CYP2C19: variants seen among roughly 807,000 people sequenced by gnomAD.
CYP2C19 encodes cytochrome P450 2C19.
CYP2C19 carries 59 observed loss-of-function variants against 40.9 expected under a neutral mutation model. That is an observed-to-expected ratio of 1.44 (90% CI 1.17 to 1.79). CYP2C19 has a LOEUF of 1.79. Among genes scored for constraint, CYP2C19 ranks in the 40% most tolerant of loss-of-function variants. The probability of loss-of-function intolerance (pLI) is 0.00; values close to 1 mark genes in which losing one functional copy is unlikely to be tolerated. For missense variants in CYP2C19, 754 were observed against 596.9 expected (o/e 1.26, Z -2.74); for synonymous variants, 253 against 208.7 (o/e 1.21, Z -1.83).
intron 5 of CYP2C19, among the ~76,000 whole-genome samples, chr10:94,803,751 T>C (rs1848797027): frequency 6.6e-6 from 1 of 152,018 alleles, no homozygotes; most frequent in African/African-American, 2.4e-5. Flanking sequence ...CTAATCCAGG[T>C]GAGTGGATGC....
chr10:94,849,866 A>C (rs2134292525), intron 7 of CYP2C19, 51 bp from the exon 8 acceptor site: 1 of 1,608,326 alleles, frequency 6.2e-7, no homozygotes, highest in East Asian at 2.2e-5. Context: ...CTGTTTCTTA[A>C]ACCTTCGTGA....
chr10:94,785,981 C>T (rs12247175), intron 5 of CYP2C19, among the ~76,000 whole-genome samples: 30,497 of 151,876 alleles, frequency 0.2, 3,289 homozygotes, highest in Middle Eastern at 0.23. Flanking sequence ...ATCTTTGGGC[C>T]CTATATAAAT....
intron 5 of CYP2C19, among the ~76,000 whole-genome samples, chr10:94,800,834 G>C (rs890922136): frequency 2.0e-5 from 3 of 152,216 alleles, no homozygotes; most frequent in African/African-American, 7.2e-5. Flanking sequence ...CCAGGCACGG[G>C]AGAGAATCTT....
At chr10:94,764,926 C>G (rs760736391) in intron 1 of CYP2C19, among the ~76,000 whole-genome samples, 1 of 152,030 alleles carries the variant, frequency 6.6e-6, no homozygotes, top group Non-Finnish European at 1.5e-5. Context: ...GAAGCCATTT[C>G]CTGTAAACAC....
intron 5 of CYP2C19, among the ~76,000 whole-genome samples, chr10:94,793,822 G>A (rs1848643922): frequency 6.6e-6 from 1 of 152,142 alleles, no homozygotes; most frequent in African/African-American, 2.4e-5. Flanking sequence ...CCCACTTGAG[G>A]AGGCAGTCTG....
intron 5 of CYP2C19, among the ~76,000 whole-genome samples, chr10:94,810,280 T>C (rs994195808): frequency 6.6e-6 from 1 of 152,214 alleles, no homozygotes; most frequent in African/African-American, 2.4e-5. Context: ...CTGGATTCAG[T>C]TTGCCAGTAT....
chr10:94,850,837 C>T lies in CYP2C19; in HGVS notation c.1291+779C>T, dbSNP rs11188097. On this transcript the variant is annotated intron_variant, in intron 8 of 8. Transcript: ENST00000371321. ...GATCAGGGGGACATTAAGAATGTAGCAGGATACTCTGCAGTGATGCAGAGC... is the reference window on the plus strand; with the variant it reads ...GATCAGGGGGACATTAAGAATGTAGTAGGATACTCTGCAGTGATGCAGAGC... Among the ~76,000 whole-genome samples, 31 of 151,832 alleles carry T rather than the reference C, an allele frequency of 2.0e-4. 1 individual carries two copies. The East Asian group carries it at 4.9e-3, about 24-fold the overall frequency.
rs562912432 is a variant in CYP2C19 at position 94,849,927 on chromosome 10, T to C, written c.1160T>C (p.Ile387Thr). The C allele has an allele frequency of 1.2e-5, 19 of 1,613,676 alleles. No homozygotes were observed. The South Asian group carries it at 1.3e-4, about 11-fold the overall frequency. ...GTCTCTTGTTTCTAGGGCACAACCATATTAACTTCCCTCACTTCTGTGCTA... is the reference window on the plus strand; with the variant it reads ...GTCTCTTGTTTCTAGGGCACAACCACATTAACTTCCCTCACTTCTGTGCTA... ...RNYLIPKGTT[I>T]LTSLTSVLHD... The change falls in exon 8 of 9, where the codon ATA becomes ACA. Residue 387 changes from isoleucine (I) to threonine (T), a missense_variant. Coordinates refer to ENST00000371321, the MANE Select transcript of CYP2C19 (RefSeq NM_000769.4).
chr10:94,784,961 G>T (rs1848522610), intron 5 of CYP2C19, among the ~76,000 whole-genome samples: 1 of 151,998 alleles, frequency 6.6e-6, no homozygotes, highest in African/African-American at 2.4e-5. Flanking sequence ...TTACCCATTT[G>T]TATATCTTCT....
intron 4 of CYP2C19, among the ~76,000 whole-genome samples, chr10:94,781,599 T>C (rs1445024267): frequency 1.3e-5 from 2 of 152,086 alleles, no homozygotes; most frequent in African/African-American, 4.8e-5. Flanking sequence ...CAGGTATAAG[T>C]CTAGGAAATG....
At chr10:94,772,022 C>A (rs1010913255) in intron 1 of CYP2C19, among the ~76,000 whole-genome samples, 1 of 152,098 alleles carries the variant, frequency 6.6e-6, no homozygotes, top group African/African-American at 2.4e-5. Context: ...TCTCAAAAAC[C>A]TGTTAGAGTC....
At chr10:94,799,128 T>C (rs1420971136) in intron 5 of CYP2C19, among the ~76,000 whole-genome samples, 1 of 152,090 alleles carries the variant, frequency 6.6e-6, no homozygotes, top group Non-Finnish European at 1.5e-5. Context: ...CATGTTTTTG[T>C]AGTGGCTCGT....
intron 7 of CYP2C19, among the ~76,000 whole-genome samples, chr10:94,849,180 A>T (rs1372504785): frequency 2.0e-5 from 3 of 152,084 alleles, no homozygotes; most frequent in Non-Finnish European, 2.9e-5. Flanking sequence ...TACACATAAG[A>T]TTTGTGAAAA....
At chr10:94,766,704 C>A (rs1161744304) in intron 1 of CYP2C19, among the ~76,000 whole-genome samples, 5 of 152,012 alleles carry the variant, frequency 3.3e-5, no homozygotes, top group Non-Finnish European at 7.4e-5. Flanking sequence ...ATAAGAGATG[C>A]AAGTCCTCCA....
chr10:94,845,131 G>A (rs1366141566), intron 7 of CYP2C19, among the ~76,000 whole-genome samples: 2 of 152,140 alleles, frequency 1.3e-5, no homozygotes, highest in Non-Finnish European at 2.9e-5. Flanking sequence ...TTCTGCTACA[G>A]GCTGGATCCA....
In CYP2C19 at chr10:94,852,766, G is replaced by T. The variant is rs138112316; in HGVS notation, c.1325G>T (p.Arg442Leu). ...ATTTGTGTGGGAGAGGGCCTGGCCC[G>T]CATGGAGCTGTTTTTATTCCTGACC... Reference protein sequence around the residue: ...KRICVGEGLARMELFLFLTFI... With the variant: ...KRICVGEGLALMELFLFLTFI... Residue 442 changes from arginine (R) to leucine (L), a missense_variant, in exon 9 of 9, where the codon CGC becomes CTC. Arg to Leu is a moderately radical substitution (Grantham distance 102). Transcript: ENST00000371321. 7 of 1,613,876 alleles carry T rather than the reference G, an allele frequency of 4.3e-6. No individual in the cohort carries two copies. The African/African-American group carries it at 6.7e-5, about 15-fold the overall frequency.
At chr10:94,850,948 G>A (rs1218868895) in intron 8 of CYP2C19, among the ~76,000 whole-genome samples, 3 of 152,156 alleles carry the variant, frequency 2.0e-5, no homozygotes, top group Non-Finnish European at 1.5e-5. Context: ...TCTGGTGATA[G>A]AATCTCCTTC....
intron 6 of CYP2C19, among the ~76,000 whole-genome samples, chr10:94,826,333 T>G (rs1463019940): frequency 6.6e-6 from 1 of 152,160 alleles, no homozygotes; most frequent in Non-Finnish European, 1.5e-5. Flanking sequence ...TTTTATTTCC[T>G]TGATCAGTGG....
intron 5 of CYP2C19, among the ~76,000 whole-genome samples, chr10:94,812,888 C>G (rs191414663): frequency 6.6e-6 from 1 of 151,994 alleles, no homozygotes; most frequent in East Asian, 1.9e-4. Flanking sequence ...CTTTCTCTGT[C>G]CAGTTTTGTC....
Sources: gnomAD v4.1 joint callset for allele counts (sites outside exome capture counted in the v4.1 genomes callset) on GRCh38, gnomAD v4.1.1 for gene constraint, MANE v1.5 for transcripts, NCBI Gene and HGNC (gene_info 2026-07-23, HGNC 2026-07-21) for gene names.